The following KCNJ3 variants were observed in gnomAD, a reference collection of about 807,000 sequenced individuals.
The protein encoded by KCNJ3 is potassium inwardly rectifying channel subfamily J member 3, also known as G protein-activated inward rectifier potassium channel 1.
Under a neutral mutation model 39.2 loss-of-function variants are expected in KCNJ3, and 4 were observed. That is an observed-to-expected ratio of 0.10 (90% CI 0.05 to 0.23). KCNJ3 has a LOEUF of 0.23. KCNJ3 is among the 10% of genes least tolerant of loss of function. The pLI is 1.00. For synonymous variants in KCNJ3, 230 were observed against 237.4 expected (o/e 0.97, Z 0.29); for missense variants, 276 against 634.9 (o/e 0.43, Z 6.08).
intron 2 of KCNJ3, among the ~76,000 whole-genome samples, chr2:154,755,353 G>A (rs1043379091): frequency 1.3e-5 from 2 of 151,698 alleles, no homozygotes; most frequent in African/African-American, 2.4e-5. Flanking sequence ...TTCAAAATAT[G>A]AGTATTCTCT....
In KCNJ3 at chr2:154,855,135, T is replaced by C; in HGVS notation, c.1328T>C (p.Val443Ala). The change falls in exon 3 of 3, where the codon GTT (valine) becomes GCT (alanine). Residue 443 changes from valine to alanine, a missense_variant. Around this residue, in one of 4 missense-constraint regions of KCNJ3, gnomAD observed 126 missense variants for 179.8 expected, o/e 0.70. Coordinates refer to ENST00000295101, the MANE Select transcript of KCNJ3 (RefSeq NM_002239.4). ...ATGAAACTTCAACGAATAAGTTCAG[T>C]TCCGGGCAACTCAGAAGAAAAACTG... ...LPMKLQRISS[V>A]PGNSEEKLVS... 6.2e-7 allele frequency: 1 copy of C among 1,614,002 alleles called. No homozygotes were observed. Among genetic ancestry groups the C allele is most frequent in the Non-Finnish European group, 8.5e-7 (1 of 1,179,948 alleles).
At chr2:154,752,425 G>C (rs1277414271) in intron 2 of KCNJ3, among the ~76,000 whole-genome samples, 1 of 151,888 alleles carries the variant, frequency 6.6e-6, no homozygotes, top group African/African-American at 2.4e-5. Context: ...GAAATGTATG[G>C]AGCTTTAAAG....
chr2:154,745,290 G>A (rs1685721152), intron 2 of KCNJ3, among the ~76,000 whole-genome samples: 1 of 151,894 alleles, frequency 6.6e-6, no homozygotes, highest in Admixed American at 6.6e-5. Context: ...TTGTGTAATT[G>A]TTTTATCAAT....
Position 154,727,423 on chromosome 2 carries a change from TA to T in KCNJ3, c.919+17616del, listed in dbSNP as rs747975225. Among the ~76,000 whole-genome samples, 348 of 141,834 alleles carry T rather than the reference TA, an allele frequency of 2.5e-3. 1 individual carries two copies. The highest frequency in any genetic ancestry group is 2.3e-3 in the Non-Finnish European group (147 of 64,540). 93.0% of individuals were successfully genotyped at this position (141,834 alleles called of 152,430 possible). ...CAACATGGAGAAACCCCGTCTCTACTAAAAAAAAAAAATACAAAATCAACCA... is the reference window on the plus strand; with the variant it reads ...CAACATGGAGAAACCCCGTCTCTACTAAAAAAAAAAATACAAAATCAACCA... On this transcript the variant is annotated intron_variant, in intron 2 of 2. Transcript: ENST00000295101.
At chr2:154,764,567 G>A (rs1391554814) in intron 2 of KCNJ3, among the ~76,000 whole-genome samples, 7 of 152,154 alleles carry the variant, frequency 4.6e-5, no homozygotes, top group Non-Finnish European at 8.8e-5. Flanking sequence ...ACTTTCTTGA[G>A]TGAATATTGA....
intron 2 of KCNJ3, among the ~76,000 whole-genome samples, chr2:154,790,620 A>AT (rs1686613577): frequency 6.6e-6 from 1 of 152,116 alleles, no homozygotes; most frequent in Non-Finnish European, 1.5e-5. Flanking sequence ...CCCCCACAAA[A>AT]TATCAAACAG....
At chr2:154,760,147 T>C (rs1300326597) in intron 2 of KCNJ3, among the ~76,000 whole-genome samples, 1 of 152,200 alleles carries the variant, frequency 6.6e-6, no homozygotes, top group African/African-American at 2.4e-5. Context: ...CAGCACCTGG[T>C]GTTATTAAAT....
chr2:154,804,704 G>A (rs373564239), intron 2 of KCNJ3, among the ~76,000 whole-genome samples: 9 of 152,258 alleles, frequency 5.9e-5, no homozygotes, highest in African/African-American at 2.2e-4. Flanking sequence ...CTCCAAGACA[G>A]AGAGAGTTAA....
chr2:154,708,754 C>T (rs1305126473), intron 1 of KCNJ3, among the ~76,000 whole-genome samples: 2 of 152,116 alleles, frequency 1.3e-5, no homozygotes, highest in African/African-American at 2.4e-5. Flanking sequence ...TCTCATAGAA[C>T]CCTAGCATGC....
intron 2 of KCNJ3, among the ~76,000 whole-genome samples, chr2:154,837,536 A>G (rs2591175): frequency 0.17 from 26,447 of 152,122 alleles, 2,789 homozygotes; most frequent in East Asian, 0.48. Flanking sequence ...AGTAATGGGA[A>G]TGGAAGACTT....
intron 2 of KCNJ3, among the ~76,000 whole-genome samples, chr2:154,831,751 A>G (rs1687367029): frequency 6.6e-6 from 1 of 152,216 alleles, no homozygotes; most frequent in Admixed American, 6.5e-5. Context: ...TAGGTCAGGG[A>G]ACATTGCTTT....
At chr2:154,730,749 C>T (rs1685435305) in intron 2 of KCNJ3, among the ~76,000 whole-genome samples, 1 of 151,974 alleles carries the variant, frequency 6.6e-6, no homozygotes. Flanking sequence ...ACATGAGAAG[C>T]TCTTTTCTCT....
intron 2 of KCNJ3, among the ~76,000 whole-genome samples, chr2:154,771,416 G>A (rs1275619308): frequency 6.6e-6 from 1 of 152,196 alleles, no homozygotes; most frequent in African/African-American, 2.4e-5. Context: ...AAGCATGAAA[G>A]TAGTAGATGA....
intron 2 of KCNJ3, among the ~76,000 whole-genome samples, chr2:154,844,473 C>T (rs1177660504): frequency 6.6e-6 from 1 of 152,212 alleles, no homozygotes; most frequent in Non-Finnish European, 1.5e-5. Flanking sequence ...AACCACTGCT[C>T]TCTTCAGAGC....
intron 2 of KCNJ3, among the ~76,000 whole-genome samples, chr2:154,721,573 G>A (rs1209605228): frequency 6.6e-6 from 1 of 151,714 alleles, no homozygotes. Flanking sequence ...AACACGACAT[G>A]TTCAGCTTTG....
intron 2 of KCNJ3, among the ~76,000 whole-genome samples, chr2:154,831,027 T>G (rs1687353719): frequency 6.6e-6 from 1 of 152,186 alleles, no homozygotes; most frequent in Non-Finnish European, 1.5e-5. Context: ...CTAAATATCT[T>G]TTTGATCTAT....
intron 2 of KCNJ3, among the ~76,000 whole-genome samples, chr2:154,824,192 G>A (rs756877126): frequency 3.3e-5 from 5 of 152,094 alleles, no homozygotes; most frequent in Middle Eastern, 3.4e-3. Flanking sequence ...AAAATCAGCC[G>A]GGCATAGTGG....
intron 2 of KCNJ3, among the ~76,000 whole-genome samples, chr2:154,817,332 T>C: frequency 6.6e-6 from 1 of 152,172 alleles, no homozygotes; most frequent in East Asian, 1.9e-4. Flanking sequence ...CTTCAATGTC[T>C]GATGGAAATT....
intron 2 of KCNJ3, among the ~76,000 whole-genome samples, chr2:154,720,462 C>T (rs1025479752): frequency 1.1e-4 from 16 of 151,942 alleles, no homozygotes; most frequent in East Asian, 3.9e-4. Context: ...TACTGTCAAG[C>T]GATTTTTCCA....
Sources: gnomAD v4.1 joint callset for allele counts (sites outside exome capture counted in the v4.1 genomes callset) on GRCh38, gnomAD v4.1.1 for gene constraint, gnomAD v4.1.1 regional missense constraint, MANE v1.5 for transcripts, NCBI Gene and HGNC (gene_info 2026-07-23, HGNC 2026-07-21) for gene names.